UNC13B: variants seen among roughly 807,000 people sequenced by gnomAD.
The protein encoded by UNC13B is unc-13 homolog B, also known as protein unc-13 homolog B.
UNC13B carries 144 observed loss-of-function variants against 211.0 expected under a neutral mutation model. The observed-to-expected ratio is 0.68, with a 90% CI of 0.60 to 0.78. The LOEUF (loss-of-function observed/expected upper bound fraction) is 0.78, where lower values mean the gene tolerates loss of function less well. UNC13B is among the 30% of genes least tolerant of loss of function. The pLI is 0.00. For missense variants in UNC13B, 1,777 were observed against 2,002.0 expected (o/e 0.89, Z 2.14); for synonymous variants, 709 against 725.8 (o/e 0.98, Z 0.37).
intron 1 of UNC13B, among the ~76,000 whole-genome samples, chr9:35,204,913 CA>C (rs150064103): frequency 0.017 from 2,568 of 152,122 alleles, 58 homozygotes; most frequent in African/African-American, 0.059. Flanking sequence ...TTGGAGAGGC[CA>C]GGGGCAGAAT....
At chr9:35,349,507 T>C (rs1042376837) in intron 11 of UNC13B, among the ~76,000 whole-genome samples, 1 of 152,154 alleles carries the variant, frequency 6.6e-6, no homozygotes, top group Non-Finnish European at 1.5e-5. Flanking sequence ...GTGCAGGTAG[T>C]GCATCCTCGC....
intron 11 of UNC13B, among the ~76,000 whole-genome samples, chr9:35,329,739 T>A (rs1831261630): frequency 6.6e-6 from 1 of 152,178 alleles, no homozygotes; most frequent in Admixed American, 6.5e-5. Flanking sequence ...TCTGCCCCCC[T>A]TGGCCTCCCA....
intron 13 of UNC13B, among the ~76,000 whole-genome samples, chr9:35,374,684 G>T (rs1168581263): frequency 6.6e-6 from 1 of 152,226 alleles, no homozygotes; most frequent in African/African-American, 2.4e-5. Context: ...AGGTGCCAAG[G>T]TATAGAGGTT....
At chr9:35,196,936 A>G (rs972878640) in intron 1 of UNC13B, among the ~76,000 whole-genome samples, 2 of 151,760 alleles carry the variant, frequency 1.3e-5, no homozygotes, top group Non-Finnish European at 2.9e-5. Flanking sequence ...ATGCCCAGCT[A>G]ATTTTTAATT....
chr9:35,362,811 A>T (rs1443369482), intron 11 of UNC13B, among the ~76,000 whole-genome samples: 2 of 152,096 alleles, frequency 1.3e-5, no homozygotes, highest in African/African-American at 2.4e-5. Context: ...AAAAAAAAAA[A>T]AAAAAAAATC....
chr9:35,366,386 C>T (rs1423796550), intron 11 of UNC13B, among the ~76,000 whole-genome samples: 1 of 152,122 alleles, frequency 6.6e-6, no homozygotes, highest in Non-Finnish European at 1.5e-5. Flanking sequence ...CTAATCTACC[C>T]TGGGTTCTCT....
At chr9:35,327,471 CA>C (rs1438278458) in intron 11 of UNC13B, among the ~76,000 whole-genome samples, 1 of 152,132 alleles carries the variant, frequency 6.6e-6, no homozygotes, top group Non-Finnish European at 1.5e-5. Context: ...ATAACCTGTT[CA>C]AGGGCCGGAG....
chr9:35,234,818 T>G (rs941008680), intron 3 of UNC13B, among the ~76,000 whole-genome samples: 2 of 152,226 alleles, frequency 1.3e-5, no homozygotes, highest in South Asian at 2.1e-4. Context: ...TGACATGAAT[T>G]CTGTGGCTGT....
At chr9:35,255,953 A>G (rs1826857282) in intron 6 of UNC13B, among the ~76,000 whole-genome samples, 1 of 152,182 alleles carries the variant, frequency 6.6e-6, no homozygotes. Context: ...TCCCGAAGTT[A>G]GTTCAGCCTA....
At position 35,384,126 on chromosome 9, in the gene UNC13B, C is replaced by G. The variant is rs112095421; in HGVS notation, c.10807-120C>G. 1,460 of 1,498,028 alleles carry G rather than the reference C, an allele frequency of 9.7e-4. 19 individuals are homozygous for G. The African/African-American group carries it at 0.015, about 16-fold the overall frequency. 92.8% of individuals were successfully genotyped at this position (1,498,028 alleles called of 1,614,324 possible). A position where few individuals can be genotyped will look rare whatever the true frequency, so the allele number is the denominator to read the frequency against. On this transcript the variant is annotated intron_variant, in intron 21 of 39. Coordinates refer to ENST00000635942, the MANE Select transcript of UNC13B (RefSeq NM_001371189.2). ...TCTTCCCATGGGCAGGGATGTGTCT[C>G]CAACCCAATGCCTCCCGACTCTTTC...
intron 1 of UNC13B, among the ~76,000 whole-genome samples, chr9:35,199,195 G>A (rs1209366771): frequency 2.6e-5 from 4 of 152,130 alleles, no homozygotes; most frequent in Non-Finnish European, 5.9e-5. Context: ...TGGCTTCATA[G>A]TATTCCACGG....
At chr9:35,387,278 T>C (rs1835250162) in intron 24 of UNC13B, among the ~76,000 whole-genome samples, 1 of 152,226 alleles carries the variant, frequency 6.6e-6, no homozygotes, top group Non-Finnish European at 1.5e-5. Flanking sequence ...CAACCAATGA[T>C]GGCAGGACAA....
intron 1 of UNC13B, among the ~76,000 whole-genome samples, chr9:35,196,007 A>G (rs1822915627): frequency 6.6e-6 from 1 of 152,240 alleles, no homozygotes. Context: ...TATACAGGGC[A>G]GTGGGATTAT....
At chr9:35,320,074 G>A (rs1047435772) in intron 11 of UNC13B, among the ~76,000 whole-genome samples, 2 of 152,134 alleles carry the variant, frequency 1.3e-5, no homozygotes, top group African/African-American at 4.8e-5. Flanking sequence ...ACATTTCACT[G>A]TTTTTTATGG....
At chr9:35,246,174 C>A (rs1482299619) in intron 6 of UNC13B, among the ~76,000 whole-genome samples, 1 of 151,826 alleles carries the variant, frequency 6.6e-6, no homozygotes, top group East Asian at 1.9e-4. Flanking sequence ...TGTTCATGTC[C>A]TTTGCCCACT....
chr9:35,180,088 A>G (rs1041837989), intron 1 of UNC13B, among the ~76,000 whole-genome samples: 5 of 152,232 alleles, frequency 3.3e-5, no homozygotes, highest in African/African-American at 1.2e-4. Context: ...TTTAGAAAAC[A>G]TTTAGAAAGA....
At chr9:35,203,854 A>C (rs891676134) in intron 1 of UNC13B, among the ~76,000 whole-genome samples, 1 of 152,262 alleles carries the variant, frequency 6.6e-6, no homozygotes, top group African/African-American at 2.4e-5. Context: ...GAGGAATTCA[A>C]TCAGGCTGCA....
intron 7 of UNC13B, among the ~76,000 whole-genome samples, chr9:35,287,136 TTC>T (rs979482029): frequency 7.0e-6 from 1 of 143,332 alleles, no homozygotes; most frequent in Non-Finnish European, 1.6e-5. Flanking sequence ...CTTTCTTTCT[TTC>T]TTTTTTTTTT....
chr9:35,386,089 T>C, intron 23 of UNC13B, 76 bp from the exon 24 acceptor site: 1 of 1,593,112 alleles, frequency 6.3e-7, no homozygotes, highest in South Asian at 1.1e-5. Context: ...CTAGAGTAGG[T>C]TTGGGGTAGT....
Sources: allele counts gnomAD v4.1 joint callset (sites outside exome capture counted in the v4.1 genomes callset), GRCh38; gene constraint gnomAD v4.1.1; transcripts MANE v1.5; gene names NCBI Gene and HGNC (gene_info 2026-07-23, HGNC 2026-07-21).